Variants in ACOX3 observed in about 807,000 individuals in gnomAD.
The protein encoded by ACOX3 is acyl-CoA oxidase 3, pristanoyl.
ACOX3 carries 73 observed loss-of-function variants against 81.5 expected under a neutral mutation model. The observed-to-expected ratio is 0.90, with a 90% confidence interval of 0.74 to 1.09. The LOEUF (loss-of-function observed/expected upper bound fraction) is 1.09. Among genes scored for constraint, ACOX3 ranks in the 50% least tolerant of loss-of-function variants. The probability of loss-of-function intolerance (pLI) is 0.00; values close to 1 mark genes in which losing one functional copy is unlikely to be tolerated. For missense variants in ACOX3, 947 were observed against 928.0 expected, an observed-to-expected ratio of 1.02 and a Z score of -0.27; for synonymous variants, 387 against 375.1, an observed-to-expected ratio of 1.03 and a Z score of -0.37.
In ACOX3 at chr4:8,399,704, C is replaced by T; in HGVS notation, c.777-52G>A. 1 of 1,523,512 alleles carries T rather than the reference C, an allele frequency of 6.6e-7. No homozygotes were observed. Among genetic ancestry groups the T allele is most frequent in the Non-Finnish European group, 9.1e-7 (1 of 1,099,600 alleles). 94.4% of individuals were successfully genotyped at this position (1,523,512 alleles called of 1,614,324 possible). On this transcript the variant is annotated intron_variant, in intron 7 of 17. Transcript: ENST00000356406. This position sits in a 1 kb window ranked among gnomAD's most constrained non-coding sequence, Gnocchi z 4.9. Reference sequence around the variant, plus strand: ...TAAACAGGGGTCCTGCCCTGAGGCTCTTCTCTTCTCCAAGGGCAGCCTAAA... The same window carrying T: ...TAAACAGGGGTCCTGCCCTGAGGCTTTTCTCTTCTCCAAGGGCAGCCTAAA...
intron 1 of ACOX3, chr4:8,439,008 T>A (rs1724422376): frequency 6.6e-6 from 1 of 152,230 alleles, no homozygotes; most frequent in African/African-American, 2.4e-5. Context: ...CTGAATAGTC[T>A]ACGCATGGCC....
the ACOX3 span, chr4:8,356,966 G>C: frequency 2.2e-6 from 1 of 453,540 alleles, no homozygotes; most frequent in Non-Finnish European, 4.4e-6. Context: ...GCAGAATGGT[G>C]CATGCTAAGA....
At chr4:8,395,092 T>C (rs1343514252) in intron 9 of ACOX3, among the ~76,000 whole-genome samples, 1 of 152,192 alleles carries the variant, frequency 6.6e-6, no homozygotes, top group Admixed American at 6.5e-5. Flanking sequence ...GCACACGGAC[T>C]GACTGGCTGA....
chr4:8,401,140 G>A (rs534182410), intron 7 of ACOX3, among the ~76,000 whole-genome samples: 67 of 152,174 alleles, frequency 4.4e-4, no homozygotes, highest in African/African-American at 1.5e-3. Flanking sequence ...TCTGACAGGA[G>A]GCGGAGCTCA....
chr4:8,382,906 G>C lies in ACOX3; in HGVS notation c.1538-1299C>G, dbSNP rs1234380656. On this transcript the variant is annotated intron_variant, in intron 13 of 17. Coordinates refer to ENST00000356406, the MANE Select transcript of ACOX3 (RefSeq NM_003501.3). This position sits in a 1 kb window ranked among gnomAD's most constrained non-coding sequence, Gnocchi z 4.1. ...ACTCGGGAGGCTGAGGCAGGAGAAT[G>C]GCGTGAACCCGGGAGGCGGAGTTGC... Among the ~76,000 whole-genome samples, 2 of 151,640 alleles carry C rather than the reference G, an allele frequency of 1.3e-5. No homozygotes were observed. Among genetic ancestry groups the C allele is most frequent in the Non-Finnish European group, 2.9e-5 (2 of 67,916 alleles).
chr4:8,440,536 G>C (rs950816983), intron 1 of ACOX3, 112 bp downstream of exon 1: 1 of 389,796 alleles, frequency 2.6e-6, no homozygotes, highest in Non-Finnish European at 4.6e-6. Context: ...TCGGTAATCA[G>C]TACTGAGGAC....
chr4:8,404,035 A>G (rs76644368), intron 7 of ACOX3, among the ~76,000 whole-genome samples: 3,815 of 152,350 alleles, frequency 0.025, 169 homozygotes, highest in African/African-American at 0.087. Context: ...AAAAGGATGC[A>G]GATTCTCCAG....
Position 8,416,233 on chromosome 4 carries a change from G to A in ACOX3, c.144+145C>T, listed in dbSNP as rs758766378. ...CATCAATTCCCTGAGGCCTGTCCTG[G>A]GGTGCAGAGAGGAGAGAGGCCGCGC... On this transcript the variant is annotated intron_variant, in intron 2 of 17. Transcript: ENST00000356406. This position sits in a 1 kb window ranked among gnomAD's most constrained non-coding sequence, Gnocchi z 4.2. The A allele has an allele frequency of 4.5e-6, 6 of 1,345,066 alleles. No homozygotes were observed. The highest frequency in any genetic ancestry group is 6.3e-6 in the Non-Finnish European group (6 of 952,428). 83.3% of individuals were successfully genotyped at this position (1,345,066 alleles called of 1,614,324 possible).
chr4:8,394,862 G>A lies in ACOX3; in HGVS notation c.1057-120C>T. The A allele has an allele frequency of 3.0e-6, 4 of 1,328,330 alleles. No homozygotes were observed. The highest frequency in any genetic ancestry group is 4.0e-6 in the Non-Finnish European group (4 of 991,794). 82.3% of individuals were successfully genotyped at this position (1,328,330 alleles called of 1,614,324 possible). A position where few individuals can be genotyped will look rare whatever the true frequency, so the allele number is the denominator to read the frequency against. The stretch of plus-strand genomic sequence containing the variant: ...TCAGGGCCACACACCCACTAGCGCT[G>A]AAGGTCTTCACATGTCTTCCCGGCA... On this transcript the variant is annotated intron_variant, in intron 9 of 17. Coordinates refer to ENST00000356406, the MANE Select transcript of ACOX3 (RefSeq NM_003501.3). This position sits in a 1 kb window ranked among gnomAD's most constrained non-coding sequence, Gnocchi z 5.9.
At chr4:8,422,346 T>C (rs1723037020) in intron 1 of ACOX3, among the ~76,000 whole-genome samples, 1 of 152,218 alleles carries the variant, frequency 6.6e-6, no homozygotes, top group Non-Finnish European at 1.5e-5. Context: ...TTGAAGGTCT[T>C]CTCTATGACC....
At chr4:8,426,649 T>C (rs540520254) in intron 1 of ACOX3, among the ~76,000 whole-genome samples, 1 of 151,994 alleles carries the variant, frequency 6.6e-6, no homozygotes, top group Admixed American at 6.6e-5. Context: ...GATGCCCCAT[T>C]GTATAGGAGT....
intron 1 of ACOX3, among the ~76,000 whole-genome samples, chr4:8,422,590 C>T (rs1211489505): frequency 4.6e-5 from 7 of 152,208 alleles, no homozygotes. Context: ...TAGGAATATG[C>T]ACCTCCCTTT....
chr4:8,414,832 T>G lies in ACOX3; in HGVS notation c.453+22A>C. 6.2e-7 allele frequency: 1 copy of G among 1,608,982 alleles called. No individual in the cohort carries two copies. Among genetic ancestry groups the G allele is most frequent in the East Asian group, 2.2e-5 (1 of 44,860 alleles). On this transcript the variant is annotated intron_variant, in intron 4 of 17. Transcript: ENST00000356406. This position sits in a 1 kb window ranked among gnomAD's most constrained non-coding sequence, Gnocchi z 6.1. ...TCAAGCAAGAGAACCAGGCTCACAA[T>G]TTACCATGAACCAGAACTTACCTCC...
chr4:8,361,091 T>C, the ACOX3 span, among the ~76,000 whole-genome samples: 1 of 152,004 alleles, frequency 6.6e-6, no homozygotes, highest in African/African-American at 2.4e-5. Flanking sequence ...TAAGAACACA[T>C]GGAAATGTGG....
In ACOX3 at chr4:8,414,962, C is replaced by T. The variant is rs1038769389; in HGVS notation, c.379-34G>A. On this transcript the variant is annotated intron_variant, in intron 3 of 17. Coordinates refer to ENST00000356406, the MANE Select transcript of ACOX3 (RefSeq NM_003501.3). This position sits in a 1 kb window ranked among gnomAD's most constrained non-coding sequence, Gnocchi z 6.1. ...ATAACATCGTCCTATCAACAGGGGG[C>T]AGGTAAGAAGAGTACTGCTCTTCCG... The T allele has an allele frequency of 4.4e-6, 7 of 1,600,072 alleles. No individual in the cohort carries two copies. The highest frequency in any genetic ancestry group is 6.0e-6 in the Non-Finnish European group (7 of 1,167,322).
At position 8,432,067 on chromosome 4, in the gene ACOX3, C is replaced by T. The variant is rs1022691541; in HGVS notation, c.-15+8581G>A. Among the ~76,000 whole-genome samples, 4 of 152,316 alleles carry T rather than the reference C, an allele frequency of 2.6e-5. No individual in the cohort carries two copies. The highest frequency in any genetic ancestry group is 2.1e-4 in the South Asian group (1 of 4,818). ...AGAATGATCCATCACAGCTCAGCCA[C>T]AGTCGTCACCACCACCCAGCAGCCA... On this transcript the variant is annotated intron_variant, in intron 1 of 17. Coordinates refer to ENST00000356406, the MANE Select transcript of ACOX3 (RefSeq NM_003501.3). The surrounding 1 kb of genome is among the most constrained non-coding windows in gnomAD (Gnocchi z 6.2).
At chr4:8,388,560 C>A (rs867160272) in intron 13 of ACOX3, among the ~76,000 whole-genome samples, 2 of 152,258 alleles carry the variant, frequency 1.3e-5, no homozygotes, top group Non-Finnish European at 1.5e-5. Context: ...GAGCCACAGA[C>A]CCCGTGTGGG....
At chr4:8,357,272 G>A in the ACOX3 span, 5 of 456,580 alleles carry the variant, frequency 1.1e-5, no homozygotes, top group Admixed American at 2.3e-5. Context: ...AGGAGACGGG[G>A]GCCCTCGAGG....
intron 9 of ACOX3, 48 bp downstream of exon 9, chr4:8,396,889 T>C: frequency 6.3e-7 from 1 of 1,579,218 alleles, no homozygotes; most frequent in East Asian, 2.3e-5. Context: ...GAAGTGAATT[T>C]GCATATAAAA....
Sources: gnomAD v4.1 joint callset for allele counts (sites outside exome capture counted in the v4.1 genomes callset) on GRCh38, gnomAD v4.1.1 for gene constraint, Gnocchi (gnomAD v3.1) non-coding constraint, MANE v1.5 for transcripts, NCBI Gene and HGNC (gene_info 2026-07-23, HGNC 2026-07-21) for gene names.